The following NXNL2 variants were observed in gnomAD, a reference collection of about 807,000 sequenced individuals.
The protein encoded by NXNL2 is nucleoredoxin like 2.
NXNL2 carries 7 observed loss-of-function variants against 11.1 expected under a neutral mutation model. The observed-to-expected ratio is 0.63, with a 90% confidence interval of 0.36 to 1.18. The LOEUF is 1.18. Ranked by LOEUF, NXNL2 falls within the 50% of genes most tolerant of loss-of-function variation. NXNL2 has a pLI of 0.02. For synonymous variants in NXNL2, 109 were observed against 101.8 expected (o/e 1.07, Z -0.42); for missense variants, 233 against 217.7 (o/e 1.07, Z -0.44).
downstream of NXNL2, among the ~76,000 whole-genome samples, chr9:88,548,413 T>A (rs1435286709): frequency 8.3e-6 from 1 of 120,300 alleles, no homozygotes. Flanking sequence ...CCTGTAATCC[T>A]AGCACTTTTG....
chr9:88,558,749 TG>T (rs547411694), intron 1 of NXNL2, among the ~76,000 whole-genome samples: 14 of 152,280 alleles, frequency 9.2e-5, no homozygotes, highest in Admixed American at 1.3e-4. Flanking sequence ...ACTGGAGAAC[TG>T]GTTGATGTGT....
At chr9:88,542,946 G>T (rs762050542) in intron 1 of NXNL2, among the ~76,000 whole-genome samples, 5 of 152,106 alleles carry the variant, frequency 3.3e-5, no homozygotes, top group Non-Finnish European at 7.4e-5. Flanking sequence ...AAGGAAATCC[G>T]ATTACTGTCA....
At chr9:88,535,888 C>G in intron 1 of NXNL2, 152 bp downstream of exon 1, 1 of 661,632 alleles carries the variant, frequency 1.5e-6, no homozygotes, top group Non-Finnish European at 2.5e-6. Context: ...GTAAATCACA[C>G]TCAGTCTCAG....
chr9:88,559,106 C>T (rs1830054396), intron 1 of NXNL2, among the ~76,000 whole-genome samples: 1 of 152,188 alleles, frequency 6.6e-6, no homozygotes, highest in Admixed American at 6.5e-5. Flanking sequence ...AGGTAGCCCT[C>T]AGACCACCTC....
intron 1 of NXNL2, among the ~76,000 whole-genome samples, chr9:88,563,653 C>G (rs1382903356): frequency 1.3e-5 from 2 of 152,170 alleles, no homozygotes; most frequent in African/African-American, 4.8e-5. Context: ...TGCCTTTAGA[C>G]TAAAGTCCAG....
chr9:88,583,240 A>C (rs992159186), intron 1 of NXNL2, among the ~76,000 whole-genome samples: 2 of 152,222 alleles, frequency 1.3e-5, no homozygotes, highest in African/African-American at 4.8e-5. Context: ...CTGCACTGCA[A>C]ACGTGGATGA....
chr9:88,535,782 C>T (rs1829602542), intron 1 of NXNL2, 46 bp downstream of exon 1: 1 of 1,463,578 alleles, frequency 6.8e-7, no homozygotes, highest in South Asian at 1.3e-5. Flanking sequence ...GCACGTCTCC[C>T]CCATGTTCCC....
downstream of NXNL2, among the ~76,000 whole-genome samples, chr9:88,545,829 C>T (rs774050583): frequency 6.6e-5 from 10 of 151,874 alleles, no homozygotes; most frequent in South Asian, 2.1e-4. Flanking sequence ...TGCAATGGCG[C>T]GGTCTCAGCT....
Position 88,559,004 on chromosome 9 carries a change from C to A in NXNL2, c.303-12083C>A, listed in dbSNP as rs534583024. On this transcript the variant is annotated intron_variant, in intron 1 of 2. Coordinates refer to the NXNL2 transcript ENST00000375855. ...CCCAGCACTCAACCTCCCTTAAGCT[C>A]TCCATGCTGAGCAAATAGATGTCTC... 2.6e-5 allele frequency among the ~76,000 whole-genome samples: 4 copies of A among 152,250 alleles called. No individual in the cohort carries two copies. In the East Asian group the frequency reaches 7.7e-4, roughly 29 times the overall value.
At chr9:88,545,830 G>C (rs958363826), downstream of NXNL2, among the ~76,000 whole-genome samples, 1 of 151,720 alleles carries the variant, frequency 6.6e-6, no homozygotes, top group Non-Finnish European at 1.5e-5. Flanking sequence ...GCAATGGCGC[G>C]GTCTCAGCTC....
downstream of NXNL2, among the ~76,000 whole-genome samples, chr9:88,546,380 C>T (rs563927997): frequency 1.0e-4 from 15 of 150,678 alleles, 1 homozygote; most frequent in South Asian, 3.2e-3. Flanking sequence ...AGTGATGTGT[C>T]CTTTGAACCA....
intron 1 of NXNL2, among the ~76,000 whole-genome samples, chr9:88,558,557 C>T (rs1369398477): frequency 6.6e-6 from 1 of 152,160 alleles, no homozygotes; most frequent in African/African-American, 2.4e-5. Flanking sequence ...TGTATAGCCA[C>T]TGGGTCAAAA....
chr9:88,583,242 C>T (rs908503388), intron 1 of NXNL2, among the ~76,000 whole-genome samples: 3 of 152,222 alleles, frequency 2.0e-5, no homozygotes, highest in African/African-American at 7.2e-5. Context: ...GCACTGCAAA[C>T]GTGGATGAAA....
At chr9:88,564,285 T>TCTATCTATCATCTATC (rs1554706562) in intron 1 of NXNL2, among the ~76,000 whole-genome samples, 1 of 140,258 alleles carries the variant, frequency 7.1e-6, no homozygotes, top group African/African-American at 2.7e-5. Context: ...TATCTATCTA[T>TCTATCTATCATCTATC]TATCTATCTA....
chr9:88,574,391 C>G (rs1830317812), intron 2 of NXNL2, among the ~76,000 whole-genome samples: 1 of 152,148 alleles, frequency 6.6e-6, no homozygotes. Flanking sequence ...GGTCAGGGCA[C>G]AGCTTAGTTT....
intron 1 of NXNL2, among the ~76,000 whole-genome samples, chr9:88,541,005 G>T (rs1319743700): frequency 7.1e-6 from 1 of 141,638 alleles, no homozygotes; most frequent in Admixed American, 7.2e-5. Context: ...GAGTGCAGTG[G>T]TGTGGTCACA....
At position 88,535,318 on chromosome 9, in the gene NXNL2, T is replaced by A. The variant is rs1587837010; in HGVS notation, c.-117T>A. 1 of 1,078,156 alleles carries A rather than the reference T, an allele frequency of 9.3e-7. No homozygotes were observed. Among genetic ancestry groups the A allele is most frequent in the East Asian group, 2.6e-5 (1 of 38,334 alleles). The allele number at this position is 1,078,156 out of a possible 1,614,324, so 66.8% of individuals were successfully genotyped here. A position where few individuals can be genotyped will look rare whatever the true frequency, so the allele number is the denominator to read the frequency against. On this transcript the variant is annotated 5_prime_UTR_variant, in exon 1 of 2. Coordinates refer to ENST00000375854, the MANE Select transcript of NXNL2 (RefSeq NM_001161625.2). The stretch of plus-strand genomic sequence containing the variant: ...CGCATCTGGGGCAGGTCTTGAGAGG[T>A]CCAGCGCCCGGTGGTGCGGACAGAG...
intron 1 of NXNL2, among the ~76,000 whole-genome samples, chr9:88,582,294 C>G (rs1034755716): frequency 2.6e-5 from 4 of 151,978 alleles, no homozygotes; most frequent in Non-Finnish European, 4.4e-5. Context: ...ACGGTGAAAC[C>G]CTGTCTCTGC....
rs115644655 is a variant in NXNL2 at position 88,535,338 on chromosome 9, A to G, written c.-97A>G. The G allele has an allele frequency of 2.9e-3, 3,645 of 1,272,496 alleles. 88 individuals carry two copies. The African/African-American group carries it at 0.048, about 17-fold the overall frequency. The allele number at this position is 1,272,496 out of a possible 1,614,324, so 78.8% of individuals were successfully genotyped here. ...AGAGGTCCAGCGCCCGGTGGTGCGG[A>G]CAGAGGCGGGGCACCGCGGCGCTCG... On this transcript the variant is annotated 5_prime_UTR_variant, in exon 1 of 2. Coordinates refer to ENST00000375854, the MANE Select transcript of NXNL2 (RefSeq NM_001161625.2).
Sources: gnomAD v4.1 joint callset for allele counts (sites outside exome capture counted in the v4.1 genomes callset) on GRCh38, gnomAD v4.1.1 for gene constraint, MANE v1.5 for transcripts, NCBI Gene and HGNC (gene_info 2026-07-23, HGNC 2026-07-21) for gene names.